Variants in TRPC4AP observed in about 807,000 individuals in gnomAD.
TRPC4AP encodes the protein transient receptor potential cation channel subfamily C member 4 associated protein.
A neutral mutation model predicts 99.0 loss-of-function variants in TRPC4AP; 45 were observed. That is an observed-to-expected ratio of 0.45 (90% CI 0.36 to 0.58). TRPC4AP has a LOEUF of 0.58. Among genes scored for constraint, TRPC4AP ranks in the 20% least tolerant of loss-of-function variants. TRPC4AP has a pLI of 0.00. For synonymous variants in TRPC4AP, 408 were observed against 385.8 expected, an observed-to-expected ratio of 1.06 and a Z score of -0.67; for missense variants, 879 against 985.3, an observed-to-expected ratio of 0.89 and a Z score of 1.44.
In TRPC4AP at chr20:35,003,626, C is replaced by T; in HGVS notation, c.2050-10G>A. ...GGCAGCTGACGTTCTCCTGCAAGGC[C>T]ACAGGCCCACAGGGTCAGGGGCTGG... On this transcript the variant is annotated splice_polypyrimidine_tract_variant and intron_variant, in intron 17 of 18. Coordinates refer to ENST00000252015, the MANE Select transcript of TRPC4AP (RefSeq NM_015638.3). 6.2e-7 allele frequency: 1 copy of T among 1,610,854 alleles called. No homozygotes were observed. The highest frequency in any genetic ancestry group is 8.5e-7 in the Non-Finnish European group (1 of 1,178,966).
At chr20:35,071,173 A>C (rs1198402526) in intron 2 of TRPC4AP, among the ~76,000 whole-genome samples, 2 of 152,250 alleles carry the variant, frequency 1.3e-5, no homozygotes, top group Non-Finnish European at 1.5e-5. Flanking sequence ...ACATTTTAAA[A>C]TAACTTACTA....
rs1240510214 is a variant in TRPC4AP, at chr20:35,069,340, T to G, written c.370A>C (p.Thr124Pro). ...TEERKLTQET[T>P]YPNTYIFDLF... ...TCAAAAATGTAAGTATTTGGATAAG[T>G]GGTTTCTTGGGTAAGTTTCCTCTCT... Residue 124 changes from threonine to proline, a missense_variant, in exon 3 of 19, where the codon ACT (threonine) becomes CCT (proline). Thr to Pro is a conservative substitution (Grantham distance 38). Transcript: ENST00000252015. 2 of 1,612,336 alleles carry G rather than the reference T, an allele frequency of 1.2e-6. No homozygotes were observed. Among genetic ancestry groups the G allele is most frequent in the Non-Finnish European group, 1.7e-6 (2 of 1,178,596 alleles).
chr20:35,083,898 G>A (rs570708471), intron 1 of TRPC4AP, among the ~76,000 whole-genome samples: 77 of 151,568 alleles, frequency 5.1e-4, no homozygotes, highest in African/African-American at 1.8e-3. Context: ...CTAGTAAGCA[G>A]CTAAACTAAA....
chr20:35,041,785 C>T (rs1037295037), intron 7 of TRPC4AP, among the ~76,000 whole-genome samples: 4 of 152,344 alleles, frequency 2.6e-5, no homozygotes, highest in Admixed American at 1.3e-4. Context: ...TCGGCATACA[C>T]AGGCATCCAA....
At chr20:35,032,475 T>TTA (rs2083222641) in intron 8 of TRPC4AP, among the ~76,000 whole-genome samples, 2 of 144,010 alleles carry the variant, frequency 1.4e-5, no homozygotes, top group East Asian at 4.5e-4. Context: ...ATCTTTTTTT[T>TTA]TTTTTTTTTT....
intron 5 of TRPC4AP, 134 bp from the exon 6 acceptor site, chr20:35,050,128 T>C (rs2083659439): frequency 3.1e-6 from 3 of 963,212 alleles, no homozygotes; most frequent in East Asian, 2.7e-5. Flanking sequence ...AGGAATGGCA[T>C]GGCTTAACTG....
intron 7 of TRPC4AP, among the ~76,000 whole-genome samples, chr20:35,043,522 C>T (rs181462818): frequency 4.6e-4 from 70 of 152,288 alleles, no homozygotes; most frequent in Non-Finnish European, 7.6e-4. Flanking sequence ...GCTGGGATTA[C>T]AGGCGTTAAG....
In TRPC4AP at chr20:35,044,863, G is replaced by A. The variant is rs577822656; in HGVS notation, c.658-151C>T. On this transcript the variant is annotated intron_variant, in intron 6 of 18. Transcript: ENST00000252015. ...CTGTAACTTGCAGCTCTGAAACTTTGGTTAAGTTACAAAAACCTTTCGAGT... is the reference window on the plus strand; with the variant it reads ...CTGTAACTTGCAGCTCTGAAACTTTAGTTAAGTTACAAAAACCTTTCGAGT... The A allele has an allele frequency of 1.1e-5, 8 of 702,544 alleles. No individual in the cohort carries two copies. In the East Asian group the frequency reaches 2.2e-4, roughly 19 times the overall value. The allele number at this position is 702,544 out of a possible 1,614,324, so 43.5% of individuals were successfully genotyped here.
At chr20:35,028,291 G>A (rs374012224) in intron 8 of TRPC4AP, among the ~76,000 whole-genome samples, 197 of 151,542 alleles carry the variant, frequency 1.3e-3, no homozygotes, top group African/African-American at 4.2e-3. Context: ...TGCCTCGGGG[G>A]TTCAAGCAAT....
intron 2 of TRPC4AP, among the ~76,000 whole-genome samples, chr20:35,070,770 C>T (rs562043464): frequency 1.3e-5 from 2 of 152,260 alleles, no homozygotes; most frequent in African/African-American, 4.8e-5. Context: ...TTTGTATTCC[C>T]CACAGATTCC....
chr20:35,016,188 AT>A (rs1295961408), intron 9 of TRPC4AP, 49 bp from the exon 10 acceptor site: 1 of 1,610,734 alleles, frequency 6.2e-7, no homozygotes, highest in Non-Finnish European at 8.5e-7. Context: ...TGCTTGAAAA[AT>A]CTAGCAAAAC....
chr20:35,070,810 G>A (rs1384088996), intron 2 of TRPC4AP, among the ~76,000 whole-genome samples: 5 of 152,130 alleles, frequency 3.3e-5, no homozygotes, highest in Admixed American at 6.5e-5. Context: ...AGCACACATA[G>A]GGTAGTAGTT....
At chr20:35,036,514 CA>C (rs1323980120) in intron 7 of TRPC4AP, among the ~76,000 whole-genome samples, 2 of 152,130 alleles carry the variant, frequency 1.3e-5, no homozygotes, top group African/African-American at 4.8e-5. Context: ...ATTTTTGATA[CA>C]GTGGCAGTTA....
At position 35,092,738 on chromosome 20, in the gene TRPC4AP, C is replaced by G. The variant is rs969554243; in HGVS notation, c.44G>C (p.Gly15Ala). ...PVAAGSGAGR[G>A]RRSAATVAAW... ...CGCCACTGTGGCTGCCGACCGTCTC[C>G]CTCGGCCGGCTCCAGACCCAGCCGC... Residue 15 changes from glycine (G) to alanine (A), a missense_variant, in exon 1 of 19, where the codon GGG becomes GCG. Gly to Ala is a moderately conservative substitution (Grantham distance 60). This residue lies in a region of TRPC4AP where 603 missense variants were observed against 631.8 expected (regional missense o/e 0.95). Transcript: ENST00000252015. 3.2e-6 allele frequency: 5 copies of G among 1,563,000 alleles called. No individual in the cohort carries two copies. The highest frequency in any genetic ancestry group is 3.4e-6 in the Non-Finnish European group (4 of 1,165,872).
At chr20:35,050,345 T>G (rs893049099) in intron 5 of TRPC4AP, among the ~76,000 whole-genome samples, 6 of 152,188 alleles carry the variant, frequency 3.9e-5, no homozygotes, top group African/African-American at 1.4e-4. Context: ...AAGTTCTAAT[T>G]CCAGCTGTGT....
At chr20:35,054,288 C>A (rs146430782) in intron 5 of TRPC4AP, among the ~76,000 whole-genome samples, 76 of 151,860 alleles carry the variant, frequency 5.0e-4, no homozygotes, top group African/African-American at 1.8e-3. Flanking sequence ...CACAGTTTAT[C>A]ATAAGTTTCT....
rs1405224458 is a variant in TRPC4AP at position 35,002,880 on chromosome 20, CTGGGTGGCCCTGGG to C, written c.*252_*265del. ...GCTAATGCTAAATGTCCTCTTACCT[CTGGGTGGCCCTGGG>C]CCCCAGGGTTCTGAAGGAAAGGTGG... On this transcript the variant is annotated 3_prime_UTR_variant, in exon 19 of 19. Coordinates refer to ENST00000252015, the MANE Select transcript of TRPC4AP (RefSeq NM_015638.3). 4 of 426,966 alleles carry C rather than the reference CTGGGTGGCCCTGGG, an allele frequency of 9.4e-6. No individual in the cohort carries two copies. The highest frequency in any genetic ancestry group is 4.3e-6 in the Non-Finnish European group (1 of 235,104). The allele number at this position is 426,966 out of a possible 1,614,324, so 26.4% of individuals were successfully genotyped here. A position where few individuals can be genotyped will look rare whatever the true frequency, so the allele number is the denominator to read the frequency against.
rs577441562 is a variant in TRPC4AP at position 35,008,765 on chromosome 20, T to C, written c.1512-18A>G. On this transcript the variant is annotated intron_variant, in intron 12 of 18. Transcript: ENST00000252015. Reference sequence around the variant, plus strand: ...CCAAACTCCTGAAATAGAAGAGAGATATTGGTGACAGATCTGAGAGGCTGA... The same window carrying C: ...CCAAACTCCTGAAATAGAAGAGAGACATTGGTGACAGATCTGAGAGGCTGA... 43 of 1,610,062 alleles carry C rather than the reference T, an allele frequency of 2.7e-5. No individual in the cohort carries two copies. In the Middle Eastern group the frequency reaches 6.6e-4, roughly 25 times the overall value.
rs368993921 is a variant in TRPC4AP at position 35,014,105 on chromosome 20, C to A, written c.1351-1039G>T. ...ACCTCAAGTGATCTGCCCGCCTTGG[C>A]CTCTCAAAGTGCTGGGATTACGGGT... is the stretch of plus-strand genomic sequence containing the variant. On this transcript the variant is annotated intron_variant, in intron 10 of 18. Coordinates refer to ENST00000252015, the MANE Select transcript of TRPC4AP (RefSeq NM_015638.3). 1.0e-3 allele frequency among the ~76,000 whole-genome samples: 157 copies of A among 152,308 alleles called. 3 individuals are homozygous for A. The South Asian group carries it at 0.027, about 26-fold the overall frequency.
Sources: gnomAD v4.1 joint callset for allele counts (sites outside exome capture counted in the v4.1 genomes callset) on GRCh38, gnomAD v4.1.1 for gene constraint, gnomAD v4.1.1 regional missense constraint, MANE v1.5 for transcripts, NCBI Gene and HGNC (gene_info 2026-07-23, HGNC 2026-07-21) for gene names.